TLN2: variants seen among roughly 807,000 people sequenced by gnomAD.
The protein encoded by TLN2 is talin-2.
Under a neutral mutation model 294.7 loss-of-function variants are expected in TLN2, and 118 were observed. That is an observed-to-expected ratio of 0.40 (90% CI 0.34 to 0.47). The LOEUF (loss-of-function observed/expected upper bound fraction) is 0.47, where lower values mean the gene tolerates loss of function less well. TLN2 is among the 20% of genes least tolerant of loss of function. The probability of loss-of-function intolerance (pLI) is 0.84; values close to 1 mark genes in which losing one functional copy is unlikely to be tolerated. For missense variants in TLN2, 3,083 were observed against 3,282.2 expected, an observed-to-expected ratio of 0.94 and a Z score of 1.48; for synonymous variants, 1,431 against 1,304.5, an observed-to-expected ratio of 1.10 and a Z score of -2.09.
chr15:62,449,140 A>G (rs2035971062), intron 1 of TLN2, among the ~76,000 whole-genome samples: 1 of 152,194 alleles, frequency 6.6e-6, no homozygotes, highest in African/African-American at 2.4e-5. Flanking sequence ...TCAAAACCTG[A>G]AATGAAGTGG....
At chr15:62,606,478 T>C (rs1210386469) in intron 2 of TLN2, among the ~76,000 whole-genome samples, 2 of 152,186 alleles carry the variant, frequency 1.3e-5, no homozygotes, top group Non-Finnish European at 2.9e-5. Flanking sequence ...AGTTTAGCGA[T>C]GATAGAATCC....
chr15:62,821,996 C>G (rs1567679208), intron 54 of TLN2, among the ~76,000 whole-genome samples: 1 of 152,160 alleles, frequency 6.6e-6, no homozygotes, highest in Non-Finnish European at 1.5e-5. Context: ...TCCGCTAATG[C>G]CGAAGCCATG....
At chr15:62,627,616 C>T (rs763829905) in intron 3 of TLN2, among the ~76,000 whole-genome samples, 1 of 152,082 alleles carries the variant, frequency 6.6e-6, no homozygotes, top group South Asian at 2.1e-4. Context: ...TTTTAAAAGT[C>T]GAAAGAGCAA....
In TLN2 at chr15:62,651,992, G is replaced by C. The variant is rs773265604; in HGVS notation, c.235-13G>C. On this transcript the variant is annotated splice_polypyrimidine_tract_variant and intron_variant, in intron 5 of 58. Transcript: ENST00000636159. ...CCACACAGTGTGAAATTTGTATGTGGTTTGTGCTCTAGGATATTTTGGAAT... is the reference window on the plus strand; with the variant it reads ...CCACACAGTGTGAAATTTGTATGTGCTTTGTGCTCTAGGATATTTTGGAAT... 3.8e-5 allele frequency: 60 copies of C among 1,590,008 alleles called. 1 individual carries two copies. Among genetic ancestry groups the C allele is most frequent in the Non-Finnish European group, 4.8e-5 (56 of 1,166,264 alleles).
intron 1 of TLN2, among the ~76,000 whole-genome samples, chr15:62,415,856 C>T (rs996997655): frequency 6.6e-6 from 1 of 152,178 alleles, no homozygotes; most frequent in Admixed American, 6.5e-5. Context: ...GGGGGTAGCC[C>T]TCCATGTCCA....
chr15:62,799,623 A>C (rs2065786329), intron 48 of TLN2, among the ~76,000 whole-genome samples: 1 of 152,270 alleles, frequency 6.6e-6, no homozygotes. Context: ...GCAGAAGTCC[A>C]GGCCAAGCCT....
intron 1 of TLN2, among the ~76,000 whole-genome samples, chr15:62,484,818 A>T (rs981916713): frequency 4.0e-5 from 6 of 151,670 alleles, no homozygotes; most frequent in Middle Eastern, 3.4e-3. Flanking sequence ...AGGGATGAAA[A>T]CTCGCTCATT....
chr15:62,548,390 T>C (rs1370731185), intron 1 of TLN2, among the ~76,000 whole-genome samples: 1 of 152,198 alleles, frequency 6.6e-6, no homozygotes, highest in Non-Finnish European at 1.5e-5. Context: ...CATAACGCTT[T>C]GGATGACAGA....
At position 62,722,361 on chromosome 15, in the gene TLN2, C is replaced by T. The variant is rs748724275; in HGVS notation, c.3000C>T (p.Ser1000=). Residue 1000 remains serine (S), a synonymous_variant, in exon 26 of 59, where the codon AGC becomes AGT. Transcript: ENST00000636159. ...TTTTCATCTCTCTATAGCCTGGAAG[C>T]AAGATGGTGTCCTCTGCCAAAGCCG... ...ISSQNFLQPG[S]KMVSSAKAAV... 1 of 1,609,098 alleles carries T rather than the reference C, an allele frequency of 6.2e-7. No individual in the cohort carries two copies. The highest frequency in any genetic ancestry group is 1.7e-5 in the Admixed American group (1 of 59,894).
At chr15:62,429,322 G>A (rs773510864) in intron 1 of TLN2, among the ~76,000 whole-genome samples, 3 of 152,130 alleles carry the variant, frequency 2.0e-5, no homozygotes, top group African/African-American at 7.2e-5. Flanking sequence ...CTGATTCATC[G>A]GTTGGTGAAA....
intron 37 of TLN2, among the ~76,000 whole-genome samples, chr15:62,759,524 C>T (rs1407204382): frequency 6.6e-6 from 1 of 152,190 alleles, no homozygotes; most frequent in East Asian, 1.9e-4. Context: ...TGAGATTTCC[C>T]TTGAGTTGTC....
intron 54 of TLN2, chr15:62,824,113 A>G (rs1464376916): frequency 9.8e-6 from 4 of 410,022 alleles, no homozygotes; most frequent in African/African-American, 2.1e-5. Flanking sequence ...AAGTAGATTT[A>G]GAAGATGGAG....
chr15:62,459,332 G>A (rs1334280763), intron 1 of TLN2, among the ~76,000 whole-genome samples: 1 of 142,066 alleles, frequency 7.0e-6, no homozygotes, highest in African/African-American at 2.6e-5. Flanking sequence ...GTAAAATGGA[G>A]ATCAGTTTGC....
At chr15:62,418,548 G>A (rs1477482460) in intron 1 of TLN2, among the ~76,000 whole-genome samples, 3 of 152,208 alleles carry the variant, frequency 2.0e-5, no homozygotes, top group Non-Finnish European at 2.9e-5. Flanking sequence ...ATTGGAAAAT[G>A]TCTCACGTGT....
chr15:62,396,091 C>A (rs752250587), intron 1 of TLN2, among the ~76,000 whole-genome samples: 5 of 152,138 alleles, frequency 3.3e-5, no homozygotes, highest in Non-Finnish European at 2.9e-5. Context: ...GCCTTGGCCT[C>A]CCAAAGTGCT....
At chr15:62,479,304 G>A (rs1034271848) in intron 1 of TLN2, among the ~76,000 whole-genome samples, 3 of 152,082 alleles carry the variant, frequency 2.0e-5, no homozygotes, top group Non-Finnish European at 4.4e-5. Flanking sequence ...CAGTAAAGGC[G>A]GGAGATGATT....
At chr15:62,408,383 G>C (rs1241896952) in intron 1 of TLN2, among the ~76,000 whole-genome samples, 1 of 152,206 alleles carries the variant, frequency 6.6e-6, no homozygotes, top group African/African-American at 2.4e-5. Context: ...CAGCCCCAGA[G>C]ATTTTCTTTT....
At chr15:62,749,843 C>A (rs1190426915) in intron 33 of TLN2, among the ~76,000 whole-genome samples, 1 of 152,172 alleles carries the variant, frequency 6.6e-6, no homozygotes, top group Non-Finnish European at 1.5e-5. Context: ...CCATGTATTT[C>A]TTTGATGAGG....
intron 1 of TLN2, among the ~76,000 whole-genome samples, chr15:62,419,669 G>A (rs1938745889): frequency 6.6e-6 from 1 of 150,516 alleles, no homozygotes. Flanking sequence ...GGGTTGATGG[G>A]GACAGTCTTC....
Sources: allele counts gnomAD v4.1 joint callset (sites outside exome capture counted in the v4.1 genomes callset), GRCh38; gene constraint gnomAD v4.1.1; transcripts MANE v1.5; gene names NCBI Gene and HGNC (gene_info 2026-07-23, HGNC 2026-07-21).